EYS: variants seen among roughly 807,000 people sequenced by gnomAD.
EYS encodes protein eyes shut homolog.
In EYS, 250 loss-of-function variants were observed where a neutral mutation model predicts 282.1. The observed-to-expected ratio is 0.89, with a 90% CI of 0.80 to 0.98. The LOEUF (loss-of-function observed/expected upper bound fraction) is 0.98. EYS is among the 50% of genes least tolerant of loss of function. The pLI is 0.00. For missense variants in EYS, 4,016 were observed against 3,709.0 expected (o/e 1.08, Z -2.15); for synonymous variants, 1,355 against 1,282.9 (o/e 1.06, Z -1.20).
chr6:65,343,628 T>G (rs1002223109), intron 10 of EYS, among the ~76,000 whole-genome samples: 5 of 151,208 alleles, frequency 3.3e-5, no homozygotes, highest in Admixed American at 6.6e-5. Flanking sequence ...TTTATTTTAT[T>G]TTTTAAGTAG....
chr6:64,496,059 C>T (rs1156575388), intron 26 of EYS, among the ~76,000 whole-genome samples: 4 of 151,786 alleles, frequency 2.6e-5, no homozygotes, highest in African/African-American at 9.7e-5. Flanking sequence ...ATTTATTTAA[C>T]ACTCATTTTA....
intron 32 of EYS, among the ~76,000 whole-genome samples, chr6:64,078,940 A>T (rs1446701804): frequency 6.6e-6 from 1 of 152,076 alleles, no homozygotes; most frequent in African/African-American, 2.4e-5. Flanking sequence ...AGAGCAGGAT[A>T]ATTCCCAGTG....
chr6:63,981,710 G>T (rs1405421591), intron 35 of EYS, among the ~76,000 whole-genome samples: 1 of 151,832 alleles, frequency 6.6e-6, no homozygotes, highest in Non-Finnish European at 1.5e-5. Context: ...GTGGTTGAGA[G>T]GTTGAGAGAT....
intron 26 of EYS, among the ~76,000 whole-genome samples, chr6:64,461,413 A>G (rs1775741610): frequency 1.3e-5 from 2 of 152,174 alleles, no homozygotes. Flanking sequence ...AGGAAGGTTT[A>G]CAAGCCAAAA....
chr6:64,240,252 C>CATATG (rs1725756055), intron 30 of EYS, among the ~76,000 whole-genome samples: 1 of 152,108 alleles, frequency 6.6e-6, no homozygotes, highest in Non-Finnish European at 1.5e-5. Flanking sequence ...TTTTTGGTTC[C>CATATG]ATATGAAATT....
chr6:63,975,001 T>C (rs1200605204), intron 35 of EYS, among the ~76,000 whole-genome samples: 2 of 151,480 alleles, frequency 1.3e-5, no homozygotes, highest in African/African-American at 2.4e-5. Flanking sequence ...TATAAGCAAC[T>C]AAAAACCCTA....
At chr6:65,546,167 C>T (rs1582439795) in intron 2 of EYS, among the ~76,000 whole-genome samples, 1 of 147,490 alleles carries the variant, frequency 6.8e-6, no homozygotes, top group Non-Finnish European at 1.5e-5. Context: ...CACAGGAGCA[C>T]ATGACTACAT....
intron 36 of EYS, chr6:63,857,549 A>G: frequency 3.6e-6 from 1 of 277,694 alleles, no homozygotes; most frequent in South Asian, 3.8e-5. Flanking sequence ...TAGCTCTGTC[A>G]AGTGGTAGAA....
chr6:65,165,747 AGT>A (rs763145776), intron 12 of EYS, among the ~76,000 whole-genome samples: 5 of 151,140 alleles, frequency 3.3e-5, no homozygotes, highest in Non-Finnish European at 4.4e-5. Context: ...GGGAAAAAAA[AGT>A]AAGACAACTT....
Position 64,834,205 on chromosome 6 carries a change from C to G in EYS, c.2993-11383G>C, listed in dbSNP as rs1057402093. 3.2e-4 allele frequency among the ~76,000 whole-genome samples: 48 copies of G among 151,776 alleles called. 1 individual carries two copies. The highest frequency in any genetic ancestry group is 1.1e-3 in the African/African-American group (44 of 41,450). ...AATGTTCTTTATCGGAACCAAAAAG[C>G]GATCTGAAACTTACAAAATTTTGGA... On this transcript the variant is annotated intron_variant, in intron 19 of 42. Transcript: ENST00000503581.
intron 28 of EYS, among the ~76,000 whole-genome samples, chr6:64,418,991 G>A (rs889375858): frequency 2.0e-5 from 3 of 152,054 alleles, no homozygotes; most frequent in Non-Finnish European, 2.9e-5. Flanking sequence ...GGGGTGCCAG[G>A]GTGTCAGCTG....
At chr6:64,205,962 T>C in intron 31 of EYS, among the ~76,000 whole-genome samples, 1 of 152,120 alleles carries the variant, frequency 6.6e-6, no homozygotes, top group Non-Finnish European at 1.5e-5. Flanking sequence ...AGAGAAAGTA[T>C]CTCATTAGTA....
chr6:64,487,093 T>C (rs1411097124), intron 26 of EYS, among the ~76,000 whole-genome samples: 1 of 151,168 alleles, frequency 6.6e-6, no homozygotes, highest in African/African-American at 2.4e-5. Context: ...CATTGGCTCA[T>C]TAAAAAAATC....
chr6:64,611,851 T>G (rs562944305), intron 24 of EYS, among the ~76,000 whole-genome samples: 13 of 152,166 alleles, frequency 8.5e-5, no homozygotes, highest in Non-Finnish European at 1.6e-4. Flanking sequence ...TAAGGATAAA[T>G]GTCAAAACCA....
At chr6:63,741,611 T>C (rs1769077202) in intron 41 of EYS, among the ~76,000 whole-genome samples, 1 of 152,246 alleles carries the variant, frequency 6.6e-6, no homozygotes, top group Non-Finnish European at 1.5e-5. Context: ...AGTCAGCCAA[T>C]AAGTAGCTTG....
chr6:64,252,057 A>G (rs1293031314), intron 30 of EYS, among the ~76,000 whole-genome samples: 1 of 152,178 alleles, frequency 6.6e-6, no homozygotes, highest in African/African-American at 2.4e-5. Context: ...AGAAGTCAGT[A>G]TAAATTATGA....
chr6:63,971,971 G>A (rs1766598092), intron 35 of EYS, among the ~76,000 whole-genome samples: 1 of 152,162 alleles, frequency 6.6e-6, no homozygotes. Flanking sequence ...TTGCTGTACA[G>A]TCTTCCACTA....
At chr6:64,768,488 AT>A (rs1237889860) in intron 22 of EYS, among the ~76,000 whole-genome samples, 30 of 152,114 alleles carry the variant, frequency 2.0e-4, no homozygotes, top group Admixed American at 8.5e-4. Context: ...TGAAAAGTCT[AT>A]TACTTTTTTG....
chr6:65,678,671 C>T (rs944080242), intron 1 of EYS, among the ~76,000 whole-genome samples: 1 of 151,552 alleles, frequency 6.6e-6, no homozygotes, highest in Admixed American at 6.6e-5. Context: ...AAAAGGCAAC[C>T]TGTAGAATAG....
Sources: gnomAD v4.1 joint callset for allele counts (sites outside exome capture counted in the v4.1 genomes callset) on GRCh38, gnomAD v4.1.1 for gene constraint, MANE v1.5 for transcripts, NCBI Gene and HGNC (gene_info 2026-07-23, HGNC 2026-07-21) for gene names.